Variants in NAALADL2 observed in about 807,000 individuals in gnomAD.
NAALADL2 encodes inactive N-acetylated-alpha-linked acidic dipeptidase-like protein 2.
Under a neutral mutation model 87.2 loss-of-function variants are expected in NAALADL2, and 76 were observed. That is an observed-to-expected ratio of 0.87 (90% CI 0.72 to 1.05). NAALADL2 has a LOEUF of 1.05. NAALADL2 is among the 50% of genes least tolerant of loss of function. The probability of loss-of-function intolerance (pLI) is 0.00; values close to 1 mark genes in which losing one functional copy is unlikely to be tolerated. For missense variants in NAALADL2, 1,089 were observed against 945.8 expected, an observed-to-expected ratio of 1.15 and a Z score of -1.99; for synonymous variants, 354 against 331.0, an observed-to-expected ratio of 1.07 and a Z score of -0.75.
intron 1 of NAALADL2, among the ~76,000 whole-genome samples, chr3:174,548,186 C>T (rs1170646775): frequency 6.6e-6 from 1 of 152,110 alleles, no homozygotes; most frequent in African/African-American, 2.4e-5. Context: ...AGCCTAAATT[C>T]ATACAGTCGG....
chr3:175,772,505 G>A (rs1559994182), intron 13 of NAALADL2, among the ~76,000 whole-genome samples: 1 of 152,148 alleles, frequency 6.6e-6, no homozygotes, highest in African/African-American at 2.4e-5. Flanking sequence ...CACCTAAGTA[G>A]TGACAGTTCA....
chr3:175,575,128 T>C (rs933272196), intron 9 of NAALADL2, among the ~76,000 whole-genome samples: 1 of 152,210 alleles, frequency 6.6e-6, no homozygotes, highest in African/African-American at 2.4e-5. Flanking sequence ...AATAATAGCC[T>C]ATATCATCTT....
chr3:175,246,036 A>G (rs1407272211), intron 3 of NAALADL2, among the ~76,000 whole-genome samples: 2 of 152,200 alleles, frequency 1.3e-5, no homozygotes, highest in African/African-American at 4.8e-5. Flanking sequence ...TGTGGTCTTC[A>G]TGATAATGAC....
chr3:175,183,732 T>C (rs1736937633), intron 2 of NAALADL2, among the ~76,000 whole-genome samples: 1 of 152,044 alleles, frequency 6.6e-6, no homozygotes, highest in Non-Finnish European at 1.5e-5. Context: ...TTCAGTTTGT[T>C]AGGATTTTGT....
intron 9 of NAALADL2, among the ~76,000 whole-genome samples, chr3:175,481,232 G>A (rs571023957): frequency 2.6e-5 from 4 of 151,676 alleles, no homozygotes; most frequent in East Asian, 1.9e-4. Flanking sequence ...GCCAATTAAT[G>A]TATGTGTATT....
At chr3:174,826,706 CAGAT>C (rs1201972003) in intron 3 of NAALADL2, among the ~76,000 whole-genome samples, 20 of 152,224 alleles carry the variant, frequency 1.3e-4, no homozygotes, top group African/African-American at 4.8e-4. Context: ...AGAATAAAAT[CAGAT>C]AGTCCTTATA....
chr3:175,715,576 T>G (rs926462030), intron 11 of NAALADL2, among the ~76,000 whole-genome samples: 2 of 152,040 alleles, frequency 1.3e-5, no homozygotes, highest in Non-Finnish European at 2.9e-5. Context: ...AACAAATGAC[T>G]ATAAGATGGA....
At chr3:175,276,955 A>G (rs1013489716) in intron 4 of NAALADL2, among the ~76,000 whole-genome samples, 2 of 152,144 alleles carry the variant, frequency 1.3e-5, no homozygotes, top group Non-Finnish European at 2.9e-5. Context: ...ATTCTAGTCA[A>G]GAGATGTTGT....
At chr3:174,766,678 T>A (rs1440910309) in intron 3 of NAALADL2, among the ~76,000 whole-genome samples, 1 of 152,120 alleles carries the variant, frequency 6.6e-6, no homozygotes, top group Non-Finnish European at 1.5e-5. Context: ...AATTGGAATC[T>A]TTTTATCTGT....
At chr3:174,639,683 G>A (rs1342624110) in intron 2 of NAALADL2, among the ~76,000 whole-genome samples, 3 of 152,098 alleles carry the variant, frequency 2.0e-5, no homozygotes, top group Non-Finnish European at 2.9e-5. Context: ...GTGATCTACA[G>A]CTGCTTTTGC....
intron 1 of NAALADL2, among the ~76,000 whole-genome samples, chr3:174,460,911 G>C (rs550016894): frequency 6.6e-6 from 1 of 151,976 alleles, no homozygotes; most frequent in Non-Finnish European, 1.5e-5. Context: ...GTTAGATGCT[G>C]GCTAATTCCT....
intron 2 of NAALADL2, among the ~76,000 whole-genome samples, chr3:175,156,276 T>G (rs1032762103): frequency 5.3e-5 from 8 of 151,854 alleles, no homozygotes; most frequent in African/African-American, 1.4e-4. Context: ...ATGCTTTTGA[T>G]GCATGTTAGA....
intron 13 of NAALADL2, chr3:175,774,882 ATTTC>A (rs1281773448): frequency 6.6e-6 from 1 of 152,170 alleles, no homozygotes; most frequent in Non-Finnish European, 1.5e-5. Context: ...GACTTCATTG[ATTTC>A]TTTTTTATGT....
At position 175,344,865 on chromosome 3, in the gene NAALADL2, C is replaced by T. The variant is rs1011479981; in HGVS notation, c.1090+20540C>T. Among the ~76,000 whole-genome samples, 11 of 152,194 alleles carry T rather than the reference C, an allele frequency of 7.2e-5. No homozygotes were observed. The East Asian group carries it at 1.3e-3, about 19-fold the overall frequency. On this transcript the variant is annotated intron_variant, in intron 5 of 13. Transcript: ENST00000454872. ...TTTATAAATGTTGTACAAGTATTTA[C>T]TCTTACAACTTCATAACAATAAATG... is the stretch of plus-strand genomic sequence containing the variant.
chr3:174,740,285 T>C (rs1733640596), intron 3 of NAALADL2, among the ~76,000 whole-genome samples: 1 of 151,956 alleles, frequency 6.6e-6, no homozygotes, highest in African/African-American at 2.4e-5. Context: ...AGCATCTAGA[T>C]TGAGGTAGTT....
chr3:175,725,625 G>C (rs1008395853), intron 11 of NAALADL2, among the ~76,000 whole-genome samples: 1 of 151,972 alleles, frequency 6.6e-6, no homozygotes, highest in Non-Finnish European at 1.5e-5. Flanking sequence ...AATTAGAAAA[G>C]GGCTTGGAAA....
intron 10 of NAALADL2, among the ~76,000 whole-genome samples, chr3:175,585,894 T>A (rs1419265062): frequency 1.3e-5 from 2 of 152,212 alleles, no homozygotes; most frequent in African/African-American, 2.4e-5. Flanking sequence ...GATGAACAAG[T>A]TCATGTCTTC....
chr3:175,009,160 G>A (rs1749450334), intron 1 of NAALADL2, among the ~76,000 whole-genome samples: 1 of 152,018 alleles, frequency 6.6e-6, no homozygotes, highest in African/African-American at 2.4e-5. Context: ...ATTCAGATTG[G>A]GATAGGGGAT....
chr3:175,504,565 TTCTCTCTCTCTCTCTCTCTCTCTCTCTC>T (rs200985901), intron 9 of NAALADL2, among the ~76,000 whole-genome samples: 3,166 of 134,430 alleles, frequency 0.024, 136 homozygotes, highest in East Asian at 0.14. Context: ...CTCTCTCTGT[TTCTCTCTCTCTCTCTCTCTCTCTCTCTC>T]TCTCTCTCTC....
Sources: gnomAD v4.1 joint callset for allele counts (sites outside exome capture counted in the v4.1 genomes callset) on GRCh38, gnomAD v4.1.1 for gene constraint, MANE v1.5 for transcripts, NCBI Gene and HGNC (gene_info 2026-07-23, HGNC 2026-07-21) for gene names.